The following PTPRQ variants were observed in gnomAD, a reference collection of about 807,000 sequenced individuals.
PTPRQ encodes the protein protein tyrosine phosphatase receptor type Q, also known as phosphatidylinositol phosphatase PTPRQ.
Under a neutral mutation model 246.0 loss-of-function variants are expected in PTPRQ, and 199 were observed. That is an observed-to-expected ratio of 0.81 (90% confidence interval 0.72 to 0.91). The LOEUF (loss-of-function observed/expected upper bound fraction) is 0.91, where lower values mean the gene tolerates loss of function less well. Ranked by LOEUF, PTPRQ falls within the 40% of genes least tolerant of loss-of-function variation. The probability of loss-of-function intolerance (pLI) is 0.00; values close to 1 mark genes in which losing one functional copy is unlikely to be tolerated. For synonymous variants in PTPRQ, 869 were observed against 853.2 expected, an observed-to-expected ratio of 1.02 and a Z score of -0.32; for missense variants, 2,624 against 2,528.4, an observed-to-expected ratio of 1.04 and a Z score of -0.81.
intron 39 of PTPRQ, among the ~76,000 whole-genome samples, chr12:80,660,608 A>C (rs1199237811): frequency 2.0e-5 from 3 of 152,106 alleles, no homozygotes; most frequent in Non-Finnish European, 4.4e-5. Flanking sequence ...CGTCAAAATT[A>C]TCTCTCCTGT....
At chr12:80,503,478 C>T (rs1386171765) in intron 14 of PTPRQ, among the ~76,000 whole-genome samples, 1 of 151,800 alleles carries the variant, frequency 6.6e-6, no homozygotes, top group East Asian at 1.9e-4. Flanking sequence ...AGGGGAGGGA[C>T]ACTGTATCTA....
chr12:80,678,457 A>G (rs1035267603), intron 43 of PTPRQ, 145 bp from the exon 44 acceptor site: 2 of 1,069,490 alleles, frequency 1.9e-6, no homozygotes, highest in Admixed American at 4.1e-5. Flanking sequence ...GTAGAAAATC[A>G]TATCTATACT....
At chr12:80,492,273 C>T (rs183384452) in intron 9 of PTPRQ, among the ~76,000 whole-genome samples, 23 of 151,974 alleles carry the variant, frequency 1.5e-4, no homozygotes, top group Admixed American at 4.6e-4. Flanking sequence ...ATGGACATTT[C>T]CACCCATAAA....
At chr12:80,647,346 T>C (rs1430243863) in intron 35 of PTPRQ, among the ~76,000 whole-genome samples, 1 of 152,180 alleles carries the variant, frequency 6.6e-6, no homozygotes, top group Non-Finnish European at 1.5e-5. Context: ...AATCAAAGCA[T>C]CTCAGTCATT....
intron 10 of PTPRQ, 40 bp downstream of exon 10, chr12:80,493,495 CA>C: frequency 1.3e-6 from 2 of 1,532,080 alleles, no homozygotes; most frequent in Non-Finnish European, 1.8e-6. Context: ...TCATTTAAAC[CA>C]CCAGTGCTAG....
chr12:80,543,195 G>T (rs912130513), intron 23 of PTPRQ, among the ~76,000 whole-genome samples: 1 of 151,966 alleles, frequency 6.6e-6, no homozygotes, highest in Admixed American at 6.6e-5. Context: ...AATATAAAAT[G>T]TATTTCTATC....
At chr12:80,556,669 G>A (rs924075157) in intron 25 of PTPRQ, among the ~76,000 whole-genome samples, 1 of 152,138 alleles carries the variant, frequency 6.6e-6, no homozygotes, top group African/African-American at 2.4e-5. Context: ...TATCTTGGAT[G>A]GTTAGGTTGA....
At chr12:80,628,678 G>A (rs113528828) in intron 33 of PTPRQ, among the ~76,000 whole-genome samples, 2,410 of 152,096 alleles carry the variant, frequency 0.016, 67 homozygotes, top group African/African-American at 0.054. Context: ...CTCTCAGACC[G>A]TGGAATAGTT....
chr12:80,622,169 C>A, intron 33 of PTPRQ, 35 bp downstream of exon 33: 1 of 1,326,708 alleles, frequency 7.5e-7, no homozygotes, highest in Non-Finnish European at 9.9e-7. Context: ...ATAATCTCAA[C>A]ATATTTATCA....
intron 29 of PTPRQ, among the ~76,000 whole-genome samples, chr12:80,615,067 A>G (rs1475269171): frequency 6.6e-6 from 1 of 151,032 alleles, no homozygotes; most frequent in Non-Finnish European, 1.5e-5. Context: ...TGTGCGAATG[A>G]CTTCTTTGCA....
At chr12:80,653,074 C>A (rs2121233517) in intron 38 of PTPRQ, among the ~76,000 whole-genome samples, 1 of 152,182 alleles carries the variant, frequency 6.6e-6, no homozygotes, top group African/African-American at 2.4e-5. Flanking sequence ...AAACTGTAGA[C>A]CTAATAGTTT....
At chr12:80,529,622 G>C (rs1360148571) in intron 17 of PTPRQ, among the ~76,000 whole-genome samples, 1 of 151,834 alleles carries the variant, frequency 6.6e-6, no homozygotes, top group East Asian at 1.9e-4. Context: ...TTGCTCTTTT[G>C]ATCTAGAATT....
At chr12:80,610,771 G>A in intron 28 of PTPRQ, 146 bp downstream of exon 28, 1 of 926,896 alleles carries the variant, frequency 1.1e-6, no homozygotes, top group South Asian at 2.3e-5. Flanking sequence ...CTCTGCAACT[G>A]ACAAAAAGGA....
chr12:80,582,395 C>G (rs1334382535), intron 25 of PTPRQ, among the ~76,000 whole-genome samples: 4 of 152,080 alleles, frequency 2.6e-5, no homozygotes, highest in East Asian at 3.9e-4. Flanking sequence ...TTATTTCCCC[C>G]CTAGAATCAT....
chr12:80,584,336 G>A (rs115328851), intron 25 of PTPRQ: 2 of 152,028 alleles, frequency 1.3e-5, no homozygotes, highest in African/African-American at 4.8e-5. Flanking sequence ...TCATTTATTT[G>A]CCTGTTCTTA....
intron 9 of PTPRQ, among the ~76,000 whole-genome samples, chr12:80,488,028 G>A (rs779676681): frequency 2.0e-5 from 3 of 151,684 alleles, no homozygotes; most frequent in Non-Finnish European, 4.4e-5. Context: ...TTTCCTTTTG[G>A]CTTTAGAACT....
At chr12:80,462,981 C>A (rs980516809) in intron 6 of PTPRQ, among the ~76,000 whole-genome samples, 78 of 152,070 alleles carry the variant, frequency 5.1e-4, no homozygotes, top group African/African-American at 1.8e-3. Context: ...CAAAGGATGG[C>A]AGTTCCTCAC....
chr12:80,469,176 T>C (rs2120532342), intron 7 of PTPRQ, among the ~76,000 whole-genome samples: 1 of 152,334 alleles, frequency 6.6e-6, no homozygotes, highest in African/African-American at 2.4e-5. Flanking sequence ...ACAATGGACT[T>C]TGACTATATT....
chr12:80,628,693 A>G (rs925756437), intron 33 of PTPRQ, among the ~76,000 whole-genome samples: 3 of 152,180 alleles, frequency 2.0e-5, no homozygotes, highest in Non-Finnish European at 4.4e-5. Context: ...ATAGTTTTGT[A>G]TAAAACAAAA....
Sources: gnomAD v4.1 joint callset for allele counts (sites outside exome capture counted in the v4.1 genomes callset) on GRCh38, gnomAD v4.1.1 for gene constraint, MANE v1.5 for transcripts, NCBI Gene and HGNC (gene_info 2026-07-23, HGNC 2026-07-21) for gene names.